The following MID1 variants were observed in gnomAD, a reference collection of about 807,000 sequenced individuals.
MID1 encodes E3 ubiquitin-protein ligase Midline-1.
In MID1, 7 loss-of-function variants were observed where a neutral mutation model predicts 40.4. The ratio of observed to expected loss-of-function variants is 0.17; its 90% CI spans 0.10 to 0.33. MID1 has a LOEUF of 0.33. Among genes scored for constraint, MID1 ranks in the 10% least tolerant of loss-of-function variants. The probability of loss-of-function intolerance (pLI) is 1.00; values close to 1 mark genes in which losing one functional copy is unlikely to be tolerated. For missense variants in MID1, 367 were observed against 558.5 expected, an observed-to-expected ratio of 0.66 and a Z score of 3.46; for synonymous variants, 229 against 221.2, an observed-to-expected ratio of 1.04 and a Z score of -0.31.
chrX:10,619,892 CT>C (rs773733340), intron 1 of MID1, among the ~76,000 whole-genome samples: 49 of 112,157 alleles, frequency 4.4e-4, no homozygotes, highest in Non-Finnish European at 7.1e-4. Flanking sequence ...CCGTGAAATT[CT>C]TTTTCAGGAC....
intron 1 of MID1, among the ~76,000 whole-genome samples, chrX:10,616,672 T>C (rs1411305009): frequency 4.4e-5 from 5 of 112,634 alleles, no homozygotes; most frequent in Non-Finnish European, 9.4e-5. Flanking sequence ...CTATGCGGTC[T>C]ACAGCCAAGC....
At chrX:10,543,330 C>T (rs1011848149) in intron 2 of MID1, among the ~76,000 whole-genome samples, 2 of 111,901 alleles carry the variant, frequency 1.8e-5, no homozygotes, top group Admixed American at 9.5e-5. Flanking sequence ...TTTCCACAGT[C>T]CTCCTTGTTT....
At chrX:10,832,341 T>G (rs1174410520) in intron 1 of MID1, among the ~76,000 whole-genome samples, 4 of 112,767 alleles carry the variant, frequency 3.5e-5, no homozygotes, top group Non-Finnish European at 7.5e-5. Context: ...CACTAGGGAA[T>G]GGACTATGAC....
At chrX:10,707,157 A>G (rs2043236959) in intron 1 of MID1, among the ~76,000 whole-genome samples, 1 of 112,051 alleles carries the variant, frequency 8.9e-6, no homozygotes, top group African/African-American at 3.2e-5. Context: ...TGTTCATGCA[A>G]TAGTCCCACA....
chrX:10,662,401 A>C (rs2042920743), intron 1 of MID1, among the ~76,000 whole-genome samples: 2 of 110,655 alleles, frequency 1.8e-5, no homozygotes. Context: ...ATAGTTTTGC[A>C]TTCCTAGCTG....
intron 1 of MID1, among the ~76,000 whole-genome samples, chrX:10,588,603 TTC>T (rs1935194045): frequency 9.0e-6 from 1 of 111,134 alleles, no homozygotes; most frequent in Non-Finnish European, 1.9e-5. Flanking sequence ...CTCTTTTTCT[TTC>T]TCTCTTTGAC....
intron 1 of MID1, among the ~76,000 whole-genome samples, chrX:10,605,976 T>C (rs1263651372): frequency 9.0e-6 from 1 of 111,432 alleles, no homozygotes; most frequent in Non-Finnish European, 1.9e-5. Flanking sequence ...GGGAGATTCA[T>C]ATTACAGTAC....
intron 1 of MID1, among the ~76,000 whole-genome samples, chrX:10,644,605 C>T (rs1936242413): frequency 9.0e-6 from 1 of 111,023 alleles, no homozygotes; most frequent in Non-Finnish European, 1.9e-5. Flanking sequence ...CACAAGAATC[C>T]TAGTTAGAAC....
intron 1 of MID1, among the ~76,000 whole-genome samples, chrX:10,637,356 G>A (rs1936131052): frequency 9.1e-6 from 1 of 109,376 alleles, no homozygotes; most frequent in Admixed American, 9.8e-5. Flanking sequence ...CTCTGGGCCT[G>A]CCAGAGGTGA....
intron 1 of MID1, among the ~76,000 whole-genome samples, chrX:10,710,493 T>TTA (rs969991687): frequency 5.0e-4 from 54 of 108,612 alleles, no homozygotes; most frequent in South Asian, 2.3e-3. Flanking sequence ...AGTACATATA[T>TTA]TATATATATA....
At chrX:10,681,713 G>A (rs1398218002) in intron 1 of MID1, among the ~76,000 whole-genome samples, 1 of 111,599 alleles carries the variant, frequency 9.0e-6, no homozygotes, top group African/African-American at 3.3e-5. Context: ...GCATGGTGAG[G>A]TTCAGAAAGT....
intron 1 of MID1, among the ~76,000 whole-genome samples, chrX:10,572,647 A>C (rs1934769728): frequency 9.0e-6 from 1 of 111,730 alleles, no homozygotes; most frequent in Non-Finnish European, 1.9e-5. Context: ...TGCCTCAAAA[A>C]AAAAAAAAAA....
chrX:10,683,337 G>A (rs1272546046), intron 1 of MID1, among the ~76,000 whole-genome samples: 2 of 111,325 alleles, frequency 1.8e-5, no homozygotes, highest in Non-Finnish European at 3.8e-5. Flanking sequence ...CTTGAGGCCA[G>A]GAATTTGATA....
At chrX:10,822,089 A>G (rs2044178688) in intron 1 of MID1, among the ~76,000 whole-genome samples, 1 of 110,823 alleles carries the variant, frequency 9.0e-6, no homozygotes, top group Non-Finnish European at 1.9e-5. Flanking sequence ...ATCTTAAAAA[A>G]TTATGGCATT....
chrX:10,542,940 A>G (rs1011717316), intron 2 of MID1, among the ~76,000 whole-genome samples: 18 of 112,606 alleles, frequency 1.6e-4, no homozygotes, highest in African/African-American at 2.6e-4. Flanking sequence ...TACCAAACAC[A>G]TAATAATTCT....
upstream of MID1, among the ~76,000 whole-genome samples, chrX:10,622,864 A>G (rs12689262): frequency 2.2e-3 from 243 of 111,715 alleles, 2 homozygotes; most frequent in East Asian, 0.029. Flanking sequence ...TCATTTACAA[A>G]TAAACAAATG....
At chrX:10,648,500 G>T (rs7053446) in intron 1 of MID1, among the ~76,000 whole-genome samples, 18,318 of 111,622 alleles carry the variant, frequency 0.16, 2,500 homozygotes, top group African/African-American at 0.46. Context: ...AATAAAAGAA[G>T]AAGATGAGTG....
At chrX:10,601,900 T>C (rs1220909511) in intron 1 of MID1, among the ~76,000 whole-genome samples, 2 of 104,418 alleles carry the variant, frequency 1.9e-5, no homozygotes, top group Admixed American at 2.0e-4. Flanking sequence ...TTTTTGTTTT[T>C]GTTTTTTTTT....
chrX:10,695,397 G>T (rs1347738777), intron 1 of MID1, among the ~76,000 whole-genome samples: 1 of 111,796 alleles, frequency 8.9e-6, no homozygotes, highest in East Asian at 2.8e-4. Context: ...AAAGTGCTGA[G>T]ATTATAGGTG....
Sources: gnomAD v4.1 joint callset for allele counts (sites outside exome capture counted in the v4.1 genomes callset) on GRCh38, gnomAD v4.1.1 for gene constraint, MANE v1.5 for transcripts, NCBI Gene and HGNC (gene_info 2026-07-23, HGNC 2026-07-21) for gene names.